Variants in DHTKD1 observed in about 807,000 individuals in gnomAD.
The protein encoded by DHTKD1 is 2-oxoadipate dehydrogenase complex component E1.
A neutral mutation model predicts 101.8 loss-of-function variants in DHTKD1; 78 were observed. The ratio of observed to expected loss-of-function variants is 0.77; its 90% CI spans 0.64 to 0.93. The LOEUF is 0.93. Among genes scored for constraint, DHTKD1 ranks in the 40% least tolerant of loss-of-function variants. DHTKD1 has a pLI of 0.00. For missense variants in DHTKD1, 1,223 were observed against 1,161.7 expected (o/e 1.05, Z -0.77); for synonymous variants, 462 against 450.3 (o/e 1.03, Z -0.33).
At chr10:12,069,946 G>A (rs1164642411) in intron 1 of DHTKD1, among the ~76,000 whole-genome samples, 1 of 152,054 alleles carries the variant, frequency 6.6e-6, no homozygotes, top group Non-Finnish European at 1.5e-5. Context: ...ATGTGAGCAG[G>A]TGGGGGGGTC....
Position 12,100,264 on chromosome 10 carries a change from T to TA in DHTKD1, c.1756+4dup. 6.9e-7 allele frequency: 1 copy of TA among 1,451,706 alleles called. No individual in the cohort carries two copies. The highest frequency in any genetic ancestry group is 9.4e-7 in the Non-Finnish European group (1 of 1,063,854). The allele number at this position is 1,451,706 out of a possible 1,614,324, so 89.9% of individuals were successfully genotyped here. On this transcript the variant is annotated splice_region_variant and intron_variant, in intron 9 of 16. Transcript: ENST00000263035. ...CCTTGGGTTCTTTACTTGCTCAAGG[T>TA]AAGAATTTTCTTTTTTTTTTCTGTT...
chr10:12,082,987 A>G (rs1832845713), intron 2 of DHTKD1, among the ~76,000 whole-genome samples: 1 of 152,052 alleles, frequency 6.6e-6, no homozygotes, highest in African/African-American at 2.4e-5. Context: ...AAAATAACAA[A>G]AAAATTAGCT....
At chr10:12,091,357 A>C (rs1330432904) in intron 5 of DHTKD1, among the ~76,000 whole-genome samples, 156 bp from the exon 6 acceptor site, 1 of 132,956 alleles carries the variant, frequency 7.5e-6, no homozygotes, top group African/African-American at 2.7e-5. Context: ...GGATGCAGTG[A>C]GCTGAGATCG....
In DHTKD1 at chr10:12,087,639, G is replaced by C; in HGVS notation, c.627G>C (p.Ser209=). The part of the protein sequence containing the change: ...MGFFHELLKM[S]AYSGITDVII... ...TTTTCCACGAGCTGCTGAAAATGTC[G>C]GCCTACAGCGGGATCACTGATGTCA... Residue 209 remains serine, a synonymous_variant, in exon 4 of 17, where the codon TCG becomes TCC. Coordinates refer to ENST00000263035, the MANE Select transcript of DHTKD1 (RefSeq NM_018706.7). The surrounding 1 kb of genome is among the most constrained non-coding windows in gnomAD (Gnocchi z 5.2). 6.2e-7 allele frequency: 1 copy of C among 1,613,994 alleles called. No individual in the cohort carries two copies. Among genetic ancestry groups the C allele is most frequent in the Non-Finnish European group, 8.5e-7 (1 of 1,179,990 alleles).
chr10:12,099,433 T>A (rs1454577287), intron 8 of DHTKD1, among the ~76,000 whole-genome samples: 1 of 152,132 alleles, frequency 6.6e-6, no homozygotes, highest in Admixed American at 6.6e-5. Context: ...ACTCCTGTAA[T>A]CTGAGAACTT....
At chr10:12,102,711 TTTCA>T (rs1187374550) in intron 10 of DHTKD1, among the ~76,000 whole-genome samples, 1 of 152,252 alleles carries the variant, frequency 6.6e-6, no homozygotes, top group East Asian at 1.9e-4. Context: ...TTTAATTTAG[TTTCA>T]TTCATTCATT....
chr10:12,083,913 C>G (rs1490316925), intron 2 of DHTKD1, among the ~76,000 whole-genome samples: 2 of 151,608 alleles, frequency 1.3e-5, no homozygotes, highest in Admixed American at 6.6e-5. Flanking sequence ...TAATAATAAC[C>G]CAAGTTATTT....
chr10:12,111,928 G>GGAA (rs1833336702), intron 12 of DHTKD1, among the ~76,000 whole-genome samples: 1 of 152,096 alleles, frequency 6.6e-6, no homozygotes, highest in Non-Finnish European at 1.5e-5. Flanking sequence ...TACTTTCTCT[G>GGAA]CAGACATGGA....
chr10:12,098,730 A>G (rs1397669123), intron 8 of DHTKD1, among the ~76,000 whole-genome samples: 1 of 152,006 alleles, frequency 6.6e-6, no homozygotes, highest in East Asian at 1.9e-4. Flanking sequence ...ATGCCCAGCT[A>G]ATTTTTGTAT....
At chr10:12,084,300 A>G (rs1832867142) in intron 2 of DHTKD1, among the ~76,000 whole-genome samples, 1 of 122,890 alleles carries the variant, frequency 8.1e-6, no homozygotes, top group Non-Finnish European at 1.8e-5. Flanking sequence ...TTAACTTGCC[A>G]CATGATTTTT....
Position 12,102,183 on chromosome 10 carries a change from C to T in DHTKD1, c.1896+1002C>T, listed in dbSNP as rs185154816. Among the ~76,000 whole-genome samples, 46 of 151,910 alleles carry T rather than the reference C, an allele frequency of 3.0e-4. No individual in the cohort carries two copies. The East Asian group carries it at 8.1e-3, about 27-fold the overall frequency. Reference sequence around the variant, plus strand: ...GTTCACGCCTGTAATCCCAGCACTTCGGGAGGCTGAGGTGGGCAGATCACA... The same window carrying T: ...GTTCACGCCTGTAATCCCAGCACTTTGGGAGGCTGAGGTGGGCAGATCACA... On this transcript the variant is annotated intron_variant, in intron 10 of 16. Transcript: ENST00000263035.
At chr10:12,090,624 A>G (rs1426713697) in intron 5 of DHTKD1, among the ~76,000 whole-genome samples, 1 of 152,106 alleles carries the variant, frequency 6.6e-6, no homozygotes, top group Non-Finnish European at 1.5e-5. Flanking sequence ...CTGGGCCTAC[A>G]GGTGCATGCC....
intron 7 of DHTKD1, among the ~76,000 whole-genome samples, chr10:12,097,124 A>G (rs977275687): frequency 6.6e-6 from 1 of 152,088 alleles, no homozygotes; most frequent in Non-Finnish European, 1.5e-5. Flanking sequence ...ATTGAGATGA[A>G]CGTGACATAA....
chr10:12,085,743 C>G (rs74626972), intron 3 of DHTKD1, among the ~76,000 whole-genome samples: 6,256 of 151,896 alleles, frequency 0.041, 358 homozygotes, highest in African/African-American at 0.14. Context: ...AAAAATTAGC[C>G]TGATGTGGTG....
intron 5 of DHTKD1, among the ~76,000 whole-genome samples, chr10:12,089,695 G>A (rs989911577): frequency 2.7e-5 from 4 of 150,780 alleles, no homozygotes; most frequent in East Asian, 1.9e-4. Flanking sequence ...TTTTGAGACC[G>A]AGTCTCACTC....
chr10:12,095,439 A>G (rs1833051317), intron 7 of DHTKD1, among the ~76,000 whole-genome samples: 1 of 152,186 alleles, frequency 6.6e-6, no homozygotes, highest in Non-Finnish European at 1.5e-5. Context: ...GCACTTTGGG[A>G]GGCCAAGGTG....
chr10:12,118,783 T>A lies in DHTKD1; in HGVS notation c.2437T>A (p.Phe813Ile). Residue 813 changes from phenylalanine (F) to isoleucine (I), a missense_variant, in exon 15 of 17, where the codon TTC becomes ATC. Physicochemically the swap from Phe to Ile is conservative, Grantham distance 21. Transcript: ENST00000263035. ...KTLVFCSGKH[F>I]YSLVKQRESL... The stretch of plus-strand genomic sequence containing the variant: ...CCTCGTGTTCTGCTCCGGCAAACAT[T>A]TCTACTCCCTGGTGAAACAAAGAGA... The A allele has an allele frequency of 6.2e-7, 1 of 1,603,188 alleles. No individual in the cohort carries two copies. Among genetic ancestry groups the A allele is most frequent in the South Asian group, 1.1e-5 (1 of 89,200 alleles).
At chr10:12,118,514 C>T (rs571194261) in intron 14 of DHTKD1, among the ~76,000 whole-genome samples, 2 of 151,816 alleles carry the variant, frequency 1.3e-5, no homozygotes, top group Non-Finnish European at 2.9e-5. Context: ...TCCCGAGTAG[C>T]TGGGACTACA....
chr10:12,069,950 G>C (rs916605930), intron 1 of DHTKD1, among the ~76,000 whole-genome samples: 1 of 152,040 alleles, frequency 6.6e-6, no homozygotes, highest in Non-Finnish European at 1.5e-5. Context: ...GAGCAGGTGG[G>C]GGGGTCCAAG....
Sources: allele counts gnomAD v4.1 joint callset (sites outside exome capture counted in the v4.1 genomes callset), GRCh38; gene constraint gnomAD v4.1.1; non-coding constraint Gnocchi (gnomAD v3.1); transcripts MANE v1.5; gene names NCBI Gene and HGNC (gene_info 2026-07-23, HGNC 2026-07-21).